STK3: variants seen among roughly 807,000 people sequenced by gnomAD.
STK3 encodes the protein serine/threonine kinase 3.
STK3 carries 41 observed loss-of-function variants against 58.0 expected under a neutral mutation model. That is an observed-to-expected ratio of 0.71 (90% CI 0.55 to 0.92). The LOEUF (loss-of-function observed/expected upper bound fraction) is 0.92. Among genes scored for constraint, STK3 ranks in the 40% least tolerant of loss-of-function variants. The pLI, the probability that STK3 is intolerant of heterozygous loss-of-function variation, is 0.00. For synonymous variants in STK3, 170 were observed against 191.0 expected, an observed-to-expected ratio of 0.89 and a Z score of 0.91; for missense variants, 479 against 602.7, an observed-to-expected ratio of 0.79 and a Z score of 2.15.
chr8:98,899,202 A>G (rs1366086080), intron 1 of STK3, among the ~76,000 whole-genome samples: 2 of 152,240 alleles, frequency 1.3e-5, no homozygotes, highest in African/African-American at 4.8e-5. Flanking sequence ...AGGATCACCC[A>G]GGCAGCATTT....
chr8:98,720,933 G>T, intron 4 of STK3: 1 of 208,504 alleles, frequency 4.8e-6, no homozygotes, highest in Non-Finnish European at 8.3e-6. Flanking sequence ...CCATAAATAG[G>T]CAGTAAAAAA....
rs1210425693 is a variant in STK3 at position 98,526,864 on chromosome 8, T to C, written c.1195A>G (p.Lys399Glu). Residue 399 changes from lysine to glutamate, a missense_variant, in exon 10 of 11, where the codon AAG becomes GAG. By Grantham distance (56) the Lys-to-Glu change is moderately conservative. Around this residue, in one of 3 missense-constraint regions of STK3, gnomAD observed 309 missense variants for 355.7 expected, o/e 0.87. Transcript: ENST00000419617. ...TGACTCTTATTCTTGAAGTCTTGCT[T>C]ATCAAAGTAGTCCATGAAAGATGGT... is the stretch of plus-strand genomic sequence containing the variant. ...QRPSFMDYFDKQDFKNKSHEN... is the reference protein window; with the variant it reads ...QRPSFMDYFDEQDFKNKSHEN... The C allele has an allele frequency of 3.1e-6, 5 of 1,598,008 alleles. No individual in the cohort carries two copies. In the East Asian group the frequency reaches 1.1e-4, roughly 36 times the overall value.
chr8:98,621,915 A>T (rs892250189), intron 6 of STK3, among the ~76,000 whole-genome samples: 5 of 151,928 alleles, frequency 3.3e-5, no homozygotes, highest in African/African-American at 1.2e-4. Context: ...TGCAAGTAAA[A>T]TATATCTGTG....
rs1331375444 is a variant in STK3 at position 98,929,042 on chromosome 8, G to T, written c.-79+13336C>A. ...GTACTTTGGGAGGCCAAGGCGGGTGGATCACCTGAGGTCAGGAGTTTGAGA... is the reference window on the plus strand; with the variant it reads ...GTACTTTGGGAGGCCAAGGCGGGTGTATCACCTGAGGTCAGGAGTTTGAGA... On this transcript the variant is annotated intron_variant, in intron 1 of 1. Transcript: ENST00000519420. Among the ~76,000 whole-genome samples, 3 of 151,360 alleles carry T rather than the reference G, an allele frequency of 2.0e-5. No individual in the cohort carries two copies. The East Asian group carries it at 5.9e-4, about 30-fold the overall frequency.
intron 2 of STK3, among the ~76,000 whole-genome samples, chr8:98,767,670 T>C (rs1437026418): frequency 1.3e-5 from 2 of 152,178 alleles, no homozygotes; most frequent in Non-Finnish European, 2.9e-5. Flanking sequence ...TAAGAAGATA[T>C]AAATGGAAAT....
chr8:98,374,871 A>C (rs2130993395), intron 2 of STK3, among the ~76,000 whole-genome samples: 1 of 152,354 alleles, frequency 6.6e-6, no homozygotes, highest in East Asian at 1.9e-4. Context: ...GGGCTAGAGA[A>C]GGTTGGTAGG....
intron 9 of STK3, among the ~76,000 whole-genome samples, chr8:98,527,275 T>G (rs1586782512): frequency 6.6e-6 from 1 of 152,170 alleles, no homozygotes; most frequent in Non-Finnish European, 1.5e-5. Context: ...GGGCTTTTTT[T>G]CTTTGCATTT....
intron 10 of STK3, among the ~76,000 whole-genome samples, chr8:98,510,518 CAAT>C (rs1329936063): frequency 6.6e-6 from 1 of 151,882 alleles, no homozygotes; most frequent in East Asian, 1.9e-4. Context: ...CAGCTGCTCT[CAAT>C]GATATTATGA....
At chr8:98,733,378 G>A (rs901775338) in intron 4 of STK3, among the ~76,000 whole-genome samples, 1 of 152,196 alleles carries the variant, frequency 6.6e-6, no homozygotes, top group Non-Finnish European at 1.5e-5. Context: ...TACTGCCTGA[G>A]CTCCACCTCC....
intron 1 of STK3, among the ~76,000 whole-genome samples, chr8:98,445,964 AC>A (rs1818928916): frequency 6.6e-6 from 1 of 152,206 alleles, no homozygotes; most frequent in African/African-American, 2.4e-5. Context: ...GAAAACAAAA[AC>A]AAAAACAGAC....
the STK3 span, among the ~76,000 whole-genome samples, chr8:98,364,010 C>T: frequency 6.6e-6 from 1 of 152,152 alleles, no homozygotes; most frequent in African/African-American, 2.4e-5. Flanking sequence ...CACAGTCAGG[C>T]CAAACAGACC....
At chr8:98,458,119 A>G (rs1020078205) in intron 10 of STK3, among the ~76,000 whole-genome samples, 2 of 150,882 alleles carry the variant, frequency 1.3e-5, no homozygotes, top group Non-Finnish European at 3.0e-5. Context: ...ACATATACAC[A>G]CACACACACA....
chr8:98,742,213 T>C (rs954180011), intron 4 of STK3, among the ~76,000 whole-genome samples: 20 of 151,778 alleles, frequency 1.3e-4, no homozygotes, highest in South Asian at 2.1e-4. Context: ...AAGAGGGAAT[T>C]CTCCCAAACT....
chr8:98,356,573 T>C, the STK3 span, among the ~76,000 whole-genome samples: 1 of 152,202 alleles, frequency 6.6e-6, no homozygotes, highest in Non-Finnish European at 1.5e-5. Flanking sequence ...GGGGCTCCAG[T>C]ACATGCAGAT....
At chr8:98,824,604 ACCC>A (rs869262423) in intron 1 of STK3, among the ~76,000 whole-genome samples, 1 of 151,432 alleles carries the variant, frequency 6.6e-6, no homozygotes, top group Non-Finnish European at 1.5e-5. Flanking sequence ...CTCCTTCACG[ACCC>A]CCCCTTTTTT....
chr8:98,924,252 A>G (rs1447379519), intron 1 of STK3, among the ~76,000 whole-genome samples: 1 of 152,206 alleles, frequency 6.6e-6, no homozygotes, highest in Non-Finnish European at 1.5e-5. Context: ...AAGTTTGTGA[A>G]CAAAGCCTGA....
Position 98,693,623 on chromosome 8 carries a change from A to G in STK3, c.684+12844T>C, listed in dbSNP as rs373202183. 3.9e-5 allele frequency among the ~76,000 whole-genome samples: 6 copies of G among 152,098 alleles called. No homozygotes were observed. In the South Asian group the frequency reaches 8.3e-4, roughly 21 times the overall value. On this transcript the variant is annotated intron_variant, in intron 6 of 10. Coordinates refer to ENST00000419617, the MANE Select transcript of STK3 (RefSeq NM_006281.4). Reference sequence around the variant, plus strand: ...CTGGTTTCCCAGGCTAAATGAAGATACTCCTCTATGCCATTCACCACTGTG... The same window carrying G: ...CTGGTTTCCCAGGCTAAATGAAGATGCTCCTCTATGCCATTCACCACTGTG...
At chr8:98,855,408 TG>T (rs1285486765) in intron 3 of STK3, among the ~76,000 whole-genome samples, 1 of 152,114 alleles carries the variant, frequency 6.6e-6, no homozygotes, top group Non-Finnish European at 1.5e-5. Flanking sequence ...GATCATTCAA[TG>T]GGGAAAGAAT....
intron 10 of STK3, among the ~76,000 whole-genome samples, chr8:98,483,935 C>G (rs1387019872): frequency 6.6e-6 from 1 of 152,078 alleles, no homozygotes; most frequent in Non-Finnish European, 1.5e-5. Flanking sequence ...ACGGGTAGGA[C>G]AGTCTCCAAA....
Sources: gnomAD v4.1 joint callset for allele counts (sites outside exome capture counted in the v4.1 genomes callset) on GRCh38, gnomAD v4.1.1 for gene constraint, gnomAD v4.1.1 regional missense constraint, MANE v1.5 for transcripts, NCBI Gene and HGNC (gene_info 2026-07-23, HGNC 2026-07-21) for gene names.